RIT2: variants seen among roughly 807,000 people sequenced by gnomAD.
RIT2 encodes the protein Ras like without CAAX 2.
A neutral mutation model predicts 23.7 loss-of-function variants in RIT2; 24 were observed. That is an observed-to-expected ratio of 1.01 (90% CI 0.73 to 1.43). The LOEUF is 1.43. RIT2 is among the 40% of genes most tolerant of loss of function. RIT2 has a pLI of 0.00. For missense variants in RIT2, 236 were observed against 266.9 expected (o/e 0.88, Z 0.81); for synonymous variants, 107 against 91.1 (o/e 1.17, Z -0.99).
intron 4 of RIT2, among the ~76,000 whole-genome samples, chr18:42,790,618 G>T (rs934815540): frequency 4.6e-5 from 7 of 152,038 alleles, no homozygotes; most frequent in African/African-American, 1.7e-4. Flanking sequence ...TAGTAGAGAT[G>T]GGGTTTCACC....
intron 2 of RIT2, among the ~76,000 whole-genome samples, chr18:43,017,385 A>G (rs1165438778): frequency 6.6e-6 from 1 of 151,984 alleles, no homozygotes; most frequent in Non-Finnish European, 1.5e-5. Context: ...ATCTTTAAAA[A>G]TAAGCTATTA....
intron 4 of RIT2, among the ~76,000 whole-genome samples, chr18:42,830,851 T>G (rs1318470692): frequency 6.6e-6 from 1 of 152,178 alleles, no homozygotes; most frequent in East Asian, 1.9e-4. Context: ...ATTAAATGAA[T>G]CAAGGCTGAT....
chr18:43,023,694 A>AT (rs1911647535), intron 2 of RIT2, among the ~76,000 whole-genome samples: 2 of 152,170 alleles, frequency 1.3e-5, no homozygotes, highest in South Asian at 4.1e-4. Flanking sequence ...CACACTGATC[A>AT]TTTTTGGGAG....
chr18:42,991,346 C>T (rs1910843457), intron 2 of RIT2, among the ~76,000 whole-genome samples: 1 of 152,174 alleles, frequency 6.6e-6, no homozygotes, highest in Non-Finnish European at 1.5e-5. Flanking sequence ...ACAGTGGTGG[C>T]AATGACAGTT....
chr18:43,035,938 A>G (rs887997203), intron 1 of RIT2, among the ~76,000 whole-genome samples: 7 of 152,200 alleles, frequency 4.6e-5, no homozygotes, highest in African/African-American at 1.7e-4. Context: ...GTTAAGAATG[A>G]TTGATATCGC....
chr18:42,867,777 T>C (rs1037060645), intron 4 of RIT2, among the ~76,000 whole-genome samples: 2 of 152,072 alleles, frequency 1.3e-5, no homozygotes, highest in South Asian at 2.1e-4. Flanking sequence ...CTGGGTAACA[T>C]AGCAACACCC....
intron 1 of RIT2, among the ~76,000 whole-genome samples, chr18:43,061,220 G>A (rs1251290633): frequency 6.6e-6 from 1 of 151,982 alleles, no homozygotes; most frequent in Non-Finnish European, 1.5e-5. Context: ...GACATTTCAA[G>A]TTTCTTTATT....
intron 4 of RIT2, among the ~76,000 whole-genome samples, chr18:42,849,649 A>G (rs935972190): frequency 1.3e-5 from 2 of 152,202 alleles, no homozygotes; most frequent in East Asian, 3.9e-4. Context: ...GGACTTCAAC[A>G]ATCAGAAAAA....
intron 2 of RIT2, among the ~76,000 whole-genome samples, chr18:43,014,540 G>A (rs575977481): frequency 6.6e-6 from 1 of 151,736 alleles, no homozygotes; most frequent in South Asian, 2.1e-4. Flanking sequence ...TCACTCTGGA[G>A]ACTTTTTTTC....
chr18:42,762,468 C>T (rs1482108930), intron 4 of RIT2, among the ~76,000 whole-genome samples: 1 of 152,164 alleles, frequency 6.6e-6, no homozygotes, highest in East Asian at 1.9e-4. Context: ...GTTGCAAGAT[C>T]ATTACATTCT....
intron 1 of RIT2, among the ~76,000 whole-genome samples, chr18:43,104,293 TG>T (rs1327034466): frequency 6.6e-6 from 1 of 151,960 alleles, no homozygotes; most frequent in South Asian, 2.1e-4. Context: ...GAGGGTAGGA[TG>T]GGGAGAGTTT....
intron 4 of RIT2, among the ~76,000 whole-genome samples, chr18:42,796,172 C>A (rs1317187925): frequency 6.6e-6 from 1 of 152,132 alleles, no homozygotes; most frequent in Non-Finnish European, 1.5e-5. Context: ...TGAGCTGTAA[C>A]ACTCACGGCG....
intron 4 of RIT2, among the ~76,000 whole-genome samples, chr18:42,881,514 C>T (rs1214932020): frequency 2.8e-4 from 42 of 152,190 alleles, no homozygotes; most frequent in Non-Finnish European, 1.5e-5. Flanking sequence ...GATCCTGCAT[C>T]TTAGTCATCT....
At chr18:43,059,144 A>G (rs996286848) in intron 1 of RIT2, among the ~76,000 whole-genome samples, 1 of 152,070 alleles carries the variant, frequency 6.6e-6, no homozygotes, top group African/African-American at 2.4e-5. Context: ...CATCTTTTTA[A>G]GATAGTAGAA....
At chr18:42,870,328 C>A (rs1027088962) in intron 4 of RIT2, among the ~76,000 whole-genome samples, 1 of 152,034 alleles carries the variant, frequency 6.6e-6, no homozygotes, top group East Asian at 1.9e-4. Context: ...GCAACCTCCA[C>A]CTCCCAGGTT....
chr18:42,980,869 G>C (rs537773251), intron 2 of RIT2, among the ~76,000 whole-genome samples: 1 of 152,218 alleles, frequency 6.6e-6, no homozygotes, highest in African/African-American at 2.4e-5. Flanking sequence ...TTCTGATGAG[G>C]GGACATGTAG....
rs9945228 is a variant in RIT2 at position 42,760,773 on chromosome 18, G to A, written c.427-17053C>T. ...GCCATTTGCTTCTTATGCACTAAAT[G>A]CAGTGATATAGGGACCTTTTGCTTG... is the stretch of plus-strand genomic sequence containing the variant. On this transcript the variant is annotated intron_variant, in intron 4 of 4. Coordinates refer to ENST00000326695, the MANE Select transcript of RIT2 (RefSeq NM_002930.4). Among the ~76,000 whole-genome samples the A allele has an allele frequency of 2.1e-3, 324 of 152,318 alleles. 3 individuals are homozygous for A. Among genetic ancestry groups the A allele is most frequent in the African/African-American group, 7.2e-3 (301 of 41,560 alleles).
At chr18:42,984,551 A>G (rs534316815) in intron 2 of RIT2, among the ~76,000 whole-genome samples, 47 of 152,162 alleles carry the variant, frequency 3.1e-4, no homozygotes, top group South Asian at 2.9e-3. Context: ...AAACTGCATA[A>G]AGGGATATGA....
intron 4 of RIT2, among the ~76,000 whole-genome samples, chr18:42,761,568 T>G (rs928539248): frequency 1.3e-5 from 2 of 152,202 alleles, no homozygotes; most frequent in Non-Finnish European, 2.9e-5. Context: ...GTTTATAAAG[T>G]CCTTCTCTTC....
Sources: allele counts gnomAD v4.1 joint callset (sites outside exome capture counted in the v4.1 genomes callset), GRCh38; gene constraint gnomAD v4.1.1; transcripts MANE v1.5; gene names NCBI Gene and HGNC (gene_info 2026-07-23, HGNC 2026-07-21).